Variants in RBFOX1 observed in about 807,000 individuals in gnomAD.
RBFOX1 encodes the protein RNA binding fox-1 homolog 1.
A neutral mutation model predicts 57.7 loss-of-function variants in RBFOX1; 8 were observed. The observed-to-expected ratio is 0.14, with a 90% CI of 0.08 to 0.25. The LOEUF (loss-of-function observed/expected upper bound fraction) is 0.25. Among genes scored for constraint, RBFOX1 ranks in the 10% least tolerant of loss-of-function variants. The pLI is 1.00. For missense variants in RBFOX1, 611 were observed against 548.5 expected (o/e 1.11, Z -1.14); for synonymous variants, 326 against 222.4 (o/e 1.47, Z -4.15).
At position 7,029,235 on chromosome 16, in the gene RBFOX1, C is replaced by T. The variant is rs865879930; in HGVS notation, c.-15-22822C>T. ...GTATATATATACACACATATATATA[C>T]GTATACGTATATATATACACACATA... is the stretch of plus-strand genomic sequence containing the variant. On this transcript the variant is annotated intron_variant, in intron 3 of 15. Coordinates refer to ENST00000550418, the MANE Select transcript of RBFOX1 (RefSeq NM_018723.4). Among the ~76,000 whole-genome samples the T allele has an allele frequency of 1.4e-4, 9 of 64,104 alleles. 1 individual carries two copies. The highest frequency in any genetic ancestry group is 7.5e-3 in the Middle Eastern group (1 of 134). The allele number at this position is 64,104 out of a possible 152,430, so 42.1% of individuals were successfully genotyped here. A position where few individuals can be genotyped will look rare whatever the true frequency, so the allele number is the denominator to read the frequency against.
chr16:5,554,885 A>T (rs2045611125), intron 2 of RBFOX1, among the ~76,000 whole-genome samples: 1 of 152,130 alleles, frequency 6.6e-6, no homozygotes, highest in Non-Finnish European at 1.5e-5. Flanking sequence ...CAGTGGTACA[A>T]CCTACAGACC....
intron 1 of RBFOX1, among the ~76,000 whole-genome samples, chr16:5,457,916 A>G (rs1427274030): frequency 6.6e-6 from 1 of 152,172 alleles, no homozygotes; most frequent in Non-Finnish European, 1.5e-5. Flanking sequence ...TGAATAAACG[A>G]AAGCCATGAC....
chr16:7,016,875 T>C (rs987903661), intron 3 of RBFOX1, among the ~76,000 whole-genome samples: 1 of 152,198 alleles, frequency 6.6e-6, no homozygotes, highest in Admixed American at 6.5e-5. Context: ...CTGTTTCTTT[T>C]CTGGCTGTCA....
chr16:5,470,086 T>A (rs2151618103), intron 2 of RBFOX1, among the ~76,000 whole-genome samples: 1 of 152,326 alleles, frequency 6.6e-6, no homozygotes, highest in Admixed American at 6.5e-5. Flanking sequence ...GCTGTCACCA[T>A]CTTTTAACAA....
intron 10 of RBFOX1, among the ~76,000 whole-genome samples, chr16:7,612,406 C>T (rs1409941831): frequency 1.3e-5 from 2 of 150,604 alleles, no homozygotes; most frequent in Admixed American, 6.6e-5. Context: ...AGTCTTTGGC[C>T]AATGTGTATG....
At chr16:5,698,206 C>G (rs2050910987) in intron 3 of RBFOX1, among the ~76,000 whole-genome samples, 3 of 152,068 alleles carry the variant, frequency 2.0e-5, no homozygotes, top group Admixed American at 6.5e-5. Context: ...TCTTCTTACA[C>G]TGTTCTTGTT....
intron 1 of RBFOX1, among the ~76,000 whole-genome samples, chr16:5,310,205 C>G (rs1255788390): frequency 6.6e-6 from 1 of 152,126 alleles, no homozygotes; most frequent in Non-Finnish European, 1.5e-5. Context: ...TTGAGACCAG[C>G]TGCCTGGCCA....
intron 1 of RBFOX1, among the ~76,000 whole-genome samples, chr16:6,129,982 T>G (rs142531152): frequency 1.3e-5 from 2 of 152,174 alleles, no homozygotes; most frequent in African/African-American, 4.8e-5. Flanking sequence ...CATTTTCATC[T>G]AAAGGACAGT....
intron 3 of RBFOX1, among the ~76,000 whole-genome samples, chr16:6,968,844 C>G (rs568771080): frequency 6.6e-6 from 1 of 150,854 alleles, no homozygotes; most frequent in Non-Finnish European, 1.5e-5. Flanking sequence ...TAAAGAAAAC[C>G]TGCAGGTCTT....
chr16:7,023,213 A>G (rs929391997), intron 3 of RBFOX1, among the ~76,000 whole-genome samples: 13 of 152,196 alleles, frequency 8.5e-5, no homozygotes, highest in African/African-American at 3.1e-4. Flanking sequence ...ATGGTAGCTC[A>G]TGACTATAAT....
chr16:6,884,096 GA>G (rs1232353622), intron 3 of RBFOX1, among the ~76,000 whole-genome samples: 4 of 152,148 alleles, frequency 2.6e-5, no homozygotes, highest in Non-Finnish European at 4.4e-5. Flanking sequence ...AAGCACCTGC[GA>G]TGCGCTGCAG....
At chr16:7,032,452 C>A (rs1440527850) in intron 3 of RBFOX1, among the ~76,000 whole-genome samples, 1 of 151,476 alleles carries the variant, frequency 6.6e-6, no homozygotes, top group Non-Finnish European at 1.5e-5. Flanking sequence ...AAAAAACAAA[C>A]AAATAAATAA....
chr16:7,143,344 G>A (rs2074246233), intron 4 of RBFOX1, among the ~76,000 whole-genome samples: 1 of 152,046 alleles, frequency 6.6e-6, no homozygotes, highest in Non-Finnish European at 1.5e-5. Flanking sequence ...GGAGAGGACT[G>A]AGCCACTGTA....
At chr16:6,774,644 T>C (rs2079014773) in intron 3 of RBFOX1, among the ~76,000 whole-genome samples, 1 of 152,182 alleles carries the variant, frequency 6.6e-6, no homozygotes, top group South Asian at 2.1e-4. Flanking sequence ...GAGCTATATA[T>C]GTCAGGAATA....
At chr16:6,733,011 G>A (rs933229521) in intron 3 of RBFOX1, among the ~76,000 whole-genome samples, 5 of 152,106 alleles carry the variant, frequency 3.3e-5, no homozygotes, top group African/African-American at 7.2e-5. Context: ...ATTTTTTAAA[G>A]GTTAGGTACA....
At chr16:7,102,305 A>G (rs1005473609) in intron 4 of RBFOX1, among the ~76,000 whole-genome samples, 4 of 152,174 alleles carry the variant, frequency 2.6e-5, no homozygotes, top group Non-Finnish European at 4.4e-5. Context: ...AGACTATTGG[A>G]TTCCCTTAGC....
At chr16:6,616,079 C>G (rs572186946) in intron 2 of RBFOX1, among the ~76,000 whole-genome samples, 131 of 152,242 alleles carry the variant, frequency 8.6e-4, no homozygotes, top group African/African-American at 3.1e-3. Context: ...GGCTGTGCAG[C>G]AGATGAGGAC....
At chr16:6,604,533 G>C (rs72762944) in intron 2 of RBFOX1, among the ~76,000 whole-genome samples, 33,516 of 152,050 alleles carry the variant, frequency 0.22, 3,958 homozygotes, top group East Asian at 0.44. Context: ...GAACTCTGGA[G>C]TTGCTTCAAA....
At chr16:7,371,579 G>A (rs1299818873) in intron 4 of RBFOX1, among the ~76,000 whole-genome samples, 3 of 152,010 alleles carry the variant, frequency 2.0e-5, no homozygotes, top group Non-Finnish European at 2.9e-5. Flanking sequence ...GTGAAACCCT[G>A]TCTCTACTAA....
Sources: gnomAD v4.1 joint callset for allele counts (sites outside exome capture counted in the v4.1 genomes callset) on GRCh38, gnomAD v4.1.1 for gene constraint, MANE v1.5 for transcripts, NCBI Gene and HGNC (gene_info 2026-07-23, HGNC 2026-07-21) for gene names.